The following NLRP1 variants were observed in gnomAD, a reference collection of about 807,000 sequenced individuals.
NLRP1 encodes the protein NACHT, LRR and PYD domains-containing protein 1.
Under a neutral mutation model 136.7 loss-of-function variants are expected in NLRP1, and 94 were observed. The observed-to-expected ratio is 0.69, with a 90% CI of 0.58 to 0.82. The LOEUF (loss-of-function observed/expected upper bound fraction) is 0.82. Ranked by LOEUF, NLRP1 falls within the 40% of genes least tolerant of loss-of-function variation. The pLI is 0.00. For synonymous variants in NLRP1, 690 were observed against 725.1 expected (o/e 0.95, Z 0.78); for missense variants, 1,575 against 1,802.7 (o/e 0.87, Z 2.29).
At chr17:5,564,799 G>A (rs1246367953) in intron 3 of NLRP1, among the ~76,000 whole-genome samples, 3 of 145,206 alleles carry the variant, frequency 2.1e-5, no homozygotes, top group East Asian at 2.1e-4. Context: ...GTGCAGTGGC[G>A]CAATCTTGGC....
Position 5,520,960 on chromosome 17 carries a change from G to T in NLRP1, c.3836C>A (p.Pro1279His), listed in dbSNP as rs1331612700. 1.2e-6 allele frequency: 2 copies of T among 1,612,040 alleles called. No individual in the cohort carries two copies. The highest frequency in any genetic ancestry group is 1.7e-6 in the Non-Finnish European group (2 of 1,179,036). The change falls in exon 14 of 17, where the codon CCC becomes CAC. Residue 1279 changes from proline to histidine, a missense_variant. By Grantham distance (77) the Pro-to-His change is moderately conservative. Transcript: ENST00000572272. ...KFQFVRIHKP[P>H]PLTPLYMGCR... is the part of the protein sequence containing the mutation. ...GCCCATATAAAGTGGGGTCAGCGGG[G>T]GTGGCTTGTGGATTCGCACAAACTG... is the stretch of plus-strand genomic sequence containing the variant.
chr17:5,565,096 G>A (rs1425994767), intron 3 of NLRP1, among the ~76,000 whole-genome samples: 8 of 152,086 alleles, frequency 5.3e-5, no homozygotes, highest in African/African-American at 7.2e-5. Flanking sequence ...ACTAATTTAC[G>A]TTCCCACCAA....
chr17:5,567,638 C>T (rs1044529767), intron 3 of NLRP1, among the ~76,000 whole-genome samples: 10 of 151,944 alleles, frequency 6.6e-5, no homozygotes, highest in African/African-American at 1.5e-4. Context: ...CTGTGTTTTT[C>T]GGTGTACTTA....
intron 12 of NLRP1, among the ~76,000 whole-genome samples, chr17:5,528,618 T>C (rs1909850512): frequency 6.6e-6 from 1 of 152,216 alleles, no homozygotes; most frequent in South Asian, 2.1e-4. Context: ...CTGCTTTTTA[T>C]TTTTCTCATT....
chr17:5,533,868 A>G, intron 9 of NLRP1, 29 bp downstream of exon 9: 3 of 1,482,068 alleles, frequency 2.0e-6, no homozygotes, highest in Middle Eastern at 1.8e-4. Context: ...CCCTGTCACG[A>G]TGCTCCCAGC....
intron 3 of NLRP1, among the ~76,000 whole-genome samples, chr17:5,565,788 A>C (rs1430344818): frequency 6.6e-6 from 1 of 152,184 alleles, no homozygotes; most frequent in Non-Finnish European, 1.5e-5. Context: ...GTAGAATTTC[A>C]GCAGTGAAGC....
At chr17:5,562,201 T>C (rs1224691546) in intron 3 of NLRP1, among the ~76,000 whole-genome samples, 1 of 152,228 alleles carries the variant, frequency 6.6e-6, no homozygotes, top group Non-Finnish European at 1.5e-5. Context: ...CCCCTGTTCC[T>C]CTGGGAAGCA....
chr17:5,535,630 T>C (rs1037486120), intron 8 of NLRP1, among the ~76,000 whole-genome samples: 2 of 152,218 alleles, frequency 1.3e-5, no homozygotes, highest in Non-Finnish European at 2.9e-5. Flanking sequence ...TTGGGTTGTG[T>C]CTTTCTTGTT....
intron 9 of NLRP1, among the ~76,000 whole-genome samples, chr17:5,533,647 G>A (rs1456416407): frequency 6.7e-6 from 1 of 150,028 alleles, no homozygotes; most frequent in Non-Finnish European, 1.5e-5. Flanking sequence ...GCCGGACCCC[G>A]GTTCAGGGTT....
rs903698532 is a variant in NLRP1 at position 5,537,764 on chromosome 17, G to T, written c.2871-824C>A. On this transcript the variant is annotated intron_variant, in intron 7 of 16. Transcript: ENST00000572272. This position sits in a 1 kb window ranked among gnomAD's most constrained non-coding sequence, Gnocchi z 4.5. ...GGGAAGGAGGTGGAAACCTACTCGGGACTCTAGAGAGCAAACCCCCTCAGA... is the reference window on the plus strand; with the variant it reads ...GGGAAGGAGGTGGAAACCTACTCGGTACTCTAGAGAGCAAACCCCCTCAGA... Among the ~76,000 whole-genome samples, 2 of 152,158 alleles carry T rather than the reference G, an allele frequency of 1.3e-5. No homozygotes were observed. Among genetic ancestry groups the T allele is most frequent in the African/African-American group, 4.8e-5 (2 of 41,420 alleles).
intron 4 of NLRP1, among the ~76,000 whole-genome samples, chr17:5,554,417 G>A (rs1401732641): frequency 6.6e-6 from 1 of 152,010 alleles, no homozygotes; most frequent in African/African-American, 2.4e-5. Flanking sequence ...CTATTTTCTG[G>A]TTGGATATCC....
At chr17:5,520,512 C>T (rs1908757699) in intron 14 of NLRP1, among the ~76,000 whole-genome samples, 1 of 152,222 alleles carries the variant, frequency 6.6e-6, no homozygotes, top group Non-Finnish European at 1.5e-5. Context: ...ACACCCTTTA[C>T]TGAGACACCC....
In NLRP1 at chr17:5,514,745, G is replaced by A; in HGVS notation, c.*9C>T. ...CAGGACTCAAGGGTCAAGGGCTGGTGTTGATACTTCAGCTGCTGAGTGGCA... is the reference window on the plus strand; with the variant it reads ...CAGGACTCAAGGGTCAAGGGCTGGTATTGATACTTCAGCTGCTGAGTGGCA... On this transcript the variant is annotated 3_prime_UTR_variant, in exon 17 of 17. Transcript: ENST00000572272. 2 of 1,613,756 alleles carry A rather than the reference G, an allele frequency of 1.2e-6. No homozygotes were observed. Among genetic ancestry groups the A allele is most frequent in the Non-Finnish European group, 1.7e-6 (2 of 1,179,668 alleles).
intron 7 of NLRP1, among the ~76,000 whole-genome samples, chr17:5,538,164 G>A (rs1292512081): frequency 6.6e-6 from 1 of 152,214 alleles, no homozygotes; most frequent in African/African-American, 2.4e-5. Context: ...AGATGTGGCA[G>A]GGCCCCTGGC....
chr17:5,583,912 G>A lies in NLRP1; in HGVS notation c.46C>T (p.Leu16=). ...AACTCCTTCAGCTCCTCCTTCTTCA[G>A]GAACTCCAAGTAACAGGCCAGGCGG... is the stretch of plus-strand genomic sequence containing the variant. The part of the protein sequence containing the change: ...WGRLACYLEF[L]KKEELKEFQL... Residue 16 remains leucine, a synonymous_variant, in exon 1 of 17, where the codon CTG becomes TTG. Coordinates refer to ENST00000572272, the MANE Select transcript of NLRP1 (RefSeq NM_033004.4). This position sits in a 1 kb window ranked among gnomAD's most constrained non-coding sequence, Gnocchi z 4.5. 6.2e-7 allele frequency: 1 copy of A among 1,608,284 alleles called. No homozygotes were observed. The highest frequency in any genetic ancestry group is 8.5e-7 in the Non-Finnish European group (1 of 1,177,044).
chr17:5,539,649 G>A (rs1317037103), intron 6 of NLRP1, 64 bp from the exon 7 acceptor site: 11 of 1,451,940 alleles, frequency 7.6e-6, no homozygotes, highest in Non-Finnish European at 1.0e-5. Flanking sequence ...AGGGTAACTA[G>A]GGTCTGATCT....
At chr17:5,554,994 C>A (rs1913858667) in intron 4 of NLRP1, among the ~76,000 whole-genome samples, 1 of 148,996 alleles carries the variant, frequency 6.7e-6, no homozygotes, top group African/African-American at 2.5e-5. Flanking sequence ...TGCACTATTC[C>A]TGGGAGACAC....
At chr17:5,539,307 G>T in intron 7 of NLRP1, 108 bp downstream of exon 7, 2 of 1,005,940 alleles carry the variant, frequency 2.0e-6, no homozygotes, top group Non-Finnish European at 2.8e-6. Flanking sequence ...TGGTAGAGCT[G>T]GTAAGAAACT....
At chr17:5,565,309 T>A (rs1000551452) in intron 3 of NLRP1, among the ~76,000 whole-genome samples, 3 of 152,232 alleles carry the variant, frequency 2.0e-5, no homozygotes, top group African/African-American at 7.2e-5. Flanking sequence ...ATTCTAATCT[T>A]TTAACTATTT....
Sources: allele counts gnomAD v4.1 joint callset (sites outside exome capture counted in the v4.1 genomes callset), GRCh38; gene constraint gnomAD v4.1.1; non-coding constraint Gnocchi (gnomAD v3.1); transcripts MANE v1.5; gene names NCBI Gene and HGNC (gene_info 2026-07-23, HGNC 2026-07-21).